The following CACNA2D3 variants were observed in gnomAD, a reference collection of about 807,000 sequenced individuals.
CACNA2D3 encodes calcium voltage-gated channel auxiliary subunit alpha2delta 3, also known as voltage-dependent calcium channel subunit alpha-2/delta-3.
A neutral mutation model predicts 160.6 loss-of-function variants in CACNA2D3; 60 were observed. The ratio of observed to expected loss-of-function variants is 0.37; its 90% CI spans 0.30 to 0.46. CACNA2D3 has a LOEUF of 0.46. CACNA2D3 is among the 20% of genes least tolerant of loss of function. CACNA2D3 has a pLI of 1.00. For synonymous variants in CACNA2D3, 558 were observed against 492.9 expected, an observed-to-expected ratio of 1.13 and a Z score of -1.75; for missense variants, 1,205 against 1,365.0, an observed-to-expected ratio of 0.88 and a Z score of 1.85.
At chr3:54,803,205 A>ATG in intron 13 of CACNA2D3, among the ~76,000 whole-genome samples, 1 of 152,260 alleles carries the variant, frequency 6.6e-6, no homozygotes, top group African/African-American at 2.4e-5. Flanking sequence ...ACAAAGCTGG[A>ATG]CGGAGAATGA....
intron 35 of CACNA2D3, among the ~76,000 whole-genome samples, chr3:55,065,765 GA>G (rs199881643): frequency 1.4e-4 from 21 of 150,518 alleles, no homozygotes; most frequent in East Asian, 7.8e-4. Flanking sequence ...GGAAACGAAA[GA>G]AAAAAAAATT....
chr3:54,808,204 A>G (rs1272569409), intron 13 of CACNA2D3, among the ~76,000 whole-genome samples: 2 of 152,120 alleles, frequency 1.3e-5, no homozygotes, highest in Non-Finnish European at 2.9e-5. Context: ...TTAAAGTATA[A>G]TAATAATTTT....
At chr3:54,951,424 C>T (rs4955910) in intron 27 of CACNA2D3, among the ~76,000 whole-genome samples, 79,416 of 152,120 alleles carry the variant, frequency 0.52, 21,258 homozygotes, top group East Asian at 0.77. Flanking sequence ...AAGCCATCGA[C>T]ACCATTAGGG....
At chr3:54,719,623 T>C (rs1014935930) in intron 11 of CACNA2D3, among the ~76,000 whole-genome samples, 1 of 151,976 alleles carries the variant, frequency 6.6e-6, no homozygotes, top group Admixed American at 6.5e-5. Context: ...TTTGTAATGC[T>C]GTTTTCAGCT....
rs529023848 is a variant in CACNA2D3, at chr3:54,858,210, G to A, written c.1626+11743G>A. ...TTGTCTGCACCTCCTTCCCCTTGTG[G>A]GGGAAATGAGCCTCAGCTGCCAGCT... On this transcript the variant is annotated intron_variant, in intron 17 of 37. Transcript: ENST00000474759. 2.0e-5 allele frequency among the ~76,000 whole-genome samples: 3 copies of A among 152,154 alleles called. No individual in the cohort carries two copies. In the South Asian group the frequency reaches 6.2e-4, roughly 32 times the overall value.
chr3:54,261,886 C>G (rs1196333321), intron 2 of CACNA2D3, among the ~76,000 whole-genome samples: 1 of 152,208 alleles, frequency 6.6e-6, no homozygotes, highest in East Asian at 1.9e-4. Flanking sequence ...AATGCGTGGT[C>G]CCCATACTTC....
At chr3:54,201,326 A>G (rs1363710271) in intron 2 of CACNA2D3, among the ~76,000 whole-genome samples, 1 of 152,234 alleles carries the variant, frequency 6.6e-6, no homozygotes, top group African/African-American at 2.4e-5. Flanking sequence ...TGAGATAATT[A>G]AAGAAATTTT....
chr3:55,031,312 G>A (rs1367682789), intron 35 of CACNA2D3, among the ~76,000 whole-genome samples: 1 of 152,038 alleles, frequency 6.6e-6, no homozygotes, highest in Non-Finnish European at 1.5e-5. Flanking sequence ...CTTAGAAGTT[G>A]CCAAAACCCT....
rs534428473 is a variant in CACNA2D3 at position 54,126,192 on chromosome 3, A to G, written c.204+2598A>G. Among the ~76,000 whole-genome samples, 35 of 152,360 alleles carry G rather than the reference A, an allele frequency of 2.3e-4. No homozygotes were observed. In the East Asian group the frequency reaches 2.5e-3, roughly 11 times the overall value. ...GAATCAATATAGTGTGTTCATTTTTAGAATGGAAGTTTAGTCATTTTTGCA... is the reference window on the plus strand; with the variant it reads ...GAATCAATATAGTGTGTTCATTTTTGGAATGGAAGTTTAGTCATTTTTGCA... On this transcript the variant is annotated intron_variant, in intron 2 of 37. Coordinates refer to ENST00000474759, the MANE Select transcript of CACNA2D3 (RefSeq NM_018398.3).
intron 2 of CACNA2D3, among the ~76,000 whole-genome samples, chr3:54,307,850 G>A (rs568022936): frequency 6.6e-5 from 10 of 152,252 alleles, no homozygotes; most frequent in South Asian, 6.2e-4. Flanking sequence ...CTTTTGTGGC[G>A]CCTGGGCAAC....
At chr3:54,760,616 G>T (rs1702064811) in intron 12 of CACNA2D3, among the ~76,000 whole-genome samples, 1 of 152,176 alleles carries the variant, frequency 6.6e-6, no homozygotes, top group African/African-American at 2.4e-5. Context: ...TTTGTGGGGA[G>T]ACTCTTGTGG....
At chr3:54,661,972 C>T (rs778329640) in intron 11 of CACNA2D3, among the ~76,000 whole-genome samples, 1 of 151,604 alleles carries the variant, frequency 6.6e-6, no homozygotes, top group Non-Finnish European at 1.5e-5. Context: ...TTCATAGTAC[C>T]TGCTGTTAAT....
chr3:54,754,465 T>C (rs1480998036), intron 12 of CACNA2D3, among the ~76,000 whole-genome samples: 2 of 152,180 alleles, frequency 1.3e-5, no homozygotes, highest in Non-Finnish European at 2.9e-5. Flanking sequence ...GGCTCTGGTA[T>C]GTAAGTGCCC....
intron 35 of CACNA2D3, among the ~76,000 whole-genome samples, chr3:55,044,513 T>C (rs1704032542): frequency 6.6e-6 from 1 of 152,198 alleles, no homozygotes; most frequent in South Asian, 2.1e-4. Flanking sequence ...TAGACTATTC[T>C]ATGTAGACAG....
intron 3 of CACNA2D3, among the ~76,000 whole-genome samples, chr3:54,370,848 A>AC (rs1698914761): frequency 2.0e-5 from 3 of 151,768 alleles, no homozygotes; most frequent in Middle Eastern, 3.2e-3. Context: ...AAAAAAAAAA[A>AC]AAAAACAGTA....
intron 2 of CACNA2D3, among the ~76,000 whole-genome samples, chr3:54,296,998 C>T (rs7649860): frequency 6.6e-6 from 1 of 151,952 alleles, no homozygotes; most frequent in Non-Finnish European, 1.5e-5. Flanking sequence ...CACTTCCTAC[C>T]TAGCGCTTTT....
At chr3:54,874,594 C>T (rs1318973082) in intron 18 of CACNA2D3, 2 of 152,170 alleles carry the variant, frequency 1.3e-5, no homozygotes, top group African/African-American at 2.4e-5. Context: ...ACACCAGTAC[C>T]ATTCTAAGTT....
At chr3:54,289,298 C>T (rs1442221652) in intron 2 of CACNA2D3, among the ~76,000 whole-genome samples, 2 of 151,844 alleles carry the variant, frequency 1.3e-5, no homozygotes, top group African/African-American at 4.8e-5. Flanking sequence ...GAGTGAACTC[C>T]CATTCACAAT....
intron 9 of CACNA2D3, among the ~76,000 whole-genome samples, chr3:54,626,854 G>A (rs1699127108): frequency 6.6e-6 from 1 of 152,194 alleles, no homozygotes. Context: ...TCCTGGGCAT[G>A]AGCCTGAATT....
Sources: allele counts gnomAD v4.1 joint callset (sites outside exome capture counted in the v4.1 genomes callset), GRCh38; gene constraint gnomAD v4.1.1; transcripts MANE v1.5; gene names NCBI Gene and HGNC (gene_info 2026-07-23, HGNC 2026-07-21).